Variants in ATAD2B observed in about 807,000 individuals in gnomAD.
ATAD2B encodes ATPase family AAA domain-containing protein 2B.
In ATAD2B, 40 loss-of-function variants were observed where a neutral mutation model predicts 167.6. The ratio of observed to expected loss-of-function variants is 0.24; its 90% confidence interval spans 0.19 to 0.31. The LOEUF is 0.31. Ranked by LOEUF, ATAD2B falls within the 10% of genes least tolerant of loss-of-function variation. The pLI is 1.00. For synonymous variants in ATAD2B, 579 were observed against 596.5 expected (o/e 0.97, Z 0.43); for missense variants, 1,242 against 1,757.2 (o/e 0.71, Z 5.24).
intron 11 of ATAD2B, among the ~76,000 whole-genome samples, chr2:23,864,123 G>A (rs1197631632): frequency 6.6e-6 from 1 of 151,212 alleles, no homozygotes; most frequent in Non-Finnish European, 1.5e-5. Context: ...TCATGCCTCA[G>A]CCTCCCGAGT....
rs111285004 is a variant in ATAD2B, at chr2:23,803,346, G to A, written c.2455-5023C>T. 1.7e-3 allele frequency among the ~76,000 whole-genome samples: 259 copies of A among 151,642 alleles called. 2 individuals carry two copies. The highest frequency in any genetic ancestry group is 5.9e-3 in the African/African-American group (245 of 41,350). ...CACACACACACACACACACGCGCAC[G>A]CATTTGTTTCAGTAATAAATGTTGG... On this transcript the variant is annotated intron_variant, in intron 18 of 27. Coordinates refer to ENST00000238789, the MANE Select transcript of ATAD2B (RefSeq NM_017552.4).
intron 8 of ATAD2B, among the ~76,000 whole-genome samples, chr2:23,871,116 A>AC (rs1416232363): frequency 1.3e-5 from 2 of 151,634 alleles, no homozygotes; most frequent in Admixed American, 1.3e-4. Context: ...TTGCAAAAAA[A>AC]AAAAAACCTC....
chr2:23,792,269 G>A (rs1313175798), intron 19 of ATAD2B, among the ~76,000 whole-genome samples: 1 of 151,756 alleles, frequency 6.6e-6, no homozygotes, highest in Non-Finnish European at 1.5e-5. Context: ...GGATGGTCTC[G>A]ATCTCCTGAC....
chr2:23,768,666 A>C (rs992386932), intron 22 of ATAD2B, among the ~76,000 whole-genome samples: 1 of 151,874 alleles, frequency 6.6e-6, no homozygotes, highest in Non-Finnish European at 1.5e-5. Flanking sequence ...ACAGCCCTCT[A>C]TTCCCAAGCA....
chr2:23,854,356 G>A (rs547149167), intron 13 of ATAD2B, among the ~76,000 whole-genome samples: 13 of 151,970 alleles, frequency 8.6e-5, no homozygotes, highest in African/African-American at 2.4e-4. Context: ...AAACATTAAC[G>A]TAAAATGAAT....
At chr2:23,847,281 G>A (rs1262288743) in intron 13 of ATAD2B, among the ~76,000 whole-genome samples, 2 of 150,668 alleles carry the variant, frequency 1.3e-5, no homozygotes, top group African/African-American at 4.9e-5. Context: ...CGAGGCAGGC[G>A]GATCACAAGG....
chr2:23,894,669 T>C (rs111362181), intron 2 of ATAD2B, among the ~76,000 whole-genome samples: 2 of 152,090 alleles, frequency 1.3e-5, no homozygotes, highest in African/African-American at 4.8e-5. Flanking sequence ...ATTTAATAAA[T>C]GAAGGATAGA....
chr2:23,841,307 A>T (rs1320520233), intron 13 of ATAD2B, among the ~76,000 whole-genome samples: 1 of 152,122 alleles, frequency 6.6e-6, no homozygotes, highest in Non-Finnish European at 1.5e-5. Flanking sequence ...CATGCACAGT[A>T]ATGCTTTCTG....
Position 23,908,322 on chromosome 2 carries a change from T to C in ATAD2B, c.217-12352A>G, listed in dbSNP as rs1382484082. On this transcript the variant is annotated intron_variant, in intron 1 of 27. Transcript: ENST00000238789. ...AAAAACAACCCCATCAACAAGTGGG[T>C]GAAGGATATGAACAGACACTTCTCA... Among the ~76,000 whole-genome samples the C allele has an allele frequency of 5.9e-5, 9 of 152,076 alleles. No homozygotes were observed. The East Asian group carries it at 1.5e-3, about 26-fold the overall frequency.
At chr2:23,728,672 T>C in the ATAD2B span, among the ~76,000 whole-genome samples, 1 of 152,224 alleles carries the variant, frequency 6.6e-6, no homozygotes, top group African/African-American at 2.4e-5. Context: ...AAAAACACTA[T>C]AATCAAATTT....
At chr2:23,781,847 A>G (rs905245893) in intron 22 of ATAD2B, among the ~76,000 whole-genome samples, 1 of 142,374 alleles carries the variant, frequency 7.0e-6, no homozygotes, top group Non-Finnish European at 1.5e-5. Context: ...GGCTATCGCT[A>G]TGTTGCCCAG....
chr2:23,729,167 C>T, the ATAD2B span, among the ~76,000 whole-genome samples: 1 of 152,194 alleles, frequency 6.6e-6, no homozygotes, highest in African/African-American at 2.4e-5. Context: ...TACAATTCAA[C>T]ATGAGATTTG....
chr2:23,831,372 T>C (rs981433633), intron 14 of ATAD2B, among the ~76,000 whole-genome samples: 4 of 152,216 alleles, frequency 2.6e-5, no homozygotes, highest in African/African-American at 4.8e-5. Flanking sequence ...GAAACCAAGA[T>C]TTACTTTTAT....
chr2:23,805,326 C>T (rs1176383880), intron 18 of ATAD2B, among the ~76,000 whole-genome samples: 1 of 152,104 alleles, frequency 6.6e-6, no homozygotes, highest in Non-Finnish European at 1.5e-5. Flanking sequence ...CTCCCCAAGC[C>T]AAAGCAACCA....
At chr2:23,707,599 C>G in the ATAD2B span, 3 of 152,252 alleles carry the variant, frequency 2.0e-5, no homozygotes, top group East Asian at 1.9e-4. Context: ...AAAGCTGTGC[C>G]CAAGGAAGAA....
chr2:23,724,088 G>A, the ATAD2B span, among the ~76,000 whole-genome samples: 1 of 152,112 alleles, frequency 6.6e-6, no homozygotes, highest in African/African-American at 2.4e-5. Flanking sequence ...TCATGAAAAC[G>A]AAAAGTAGAA....
At chr2:23,698,291 G>C in the ATAD2B span, among the ~76,000 whole-genome samples, 115 of 152,302 alleles carry the variant, frequency 7.6e-4, 1 homozygote, top group Admixed American at 7.3e-3. Flanking sequence ...AACTGTCCTT[G>C]CAGGGGCAGG....
intron 13 of ATAD2B, among the ~76,000 whole-genome samples, chr2:23,843,093 C>T (rs938167723): frequency 4.6e-5 from 7 of 151,912 alleles, no homozygotes; most frequent in African/African-American, 1.2e-4. Flanking sequence ...ACTATTGTAA[C>T]GAAGCTCAAT....
At chr2:23,905,081 GT>G (rs549131574) in intron 1 of ATAD2B, among the ~76,000 whole-genome samples, 5 of 152,132 alleles carry the variant, frequency 3.3e-5, no homozygotes, top group African/African-American at 4.8e-5. Flanking sequence ...CGACCTGTTA[GT>G]TTAGGAGATA....
Sources: gnomAD v4.1 joint callset for allele counts (sites outside exome capture counted in the v4.1 genomes callset) on GRCh38, gnomAD v4.1.1 for gene constraint, MANE v1.5 for transcripts, NCBI Gene and HGNC (gene_info 2026-07-23, HGNC 2026-07-21) for gene names.